The following DDR2 variants were observed in gnomAD, a reference collection of about 807,000 sequenced individuals.
DDR2 encodes discoidin domain receptor tyrosine kinase 2.
A neutral mutation model predicts 94.9 loss-of-function variants in DDR2; 27 were observed. The ratio of observed to expected loss-of-function variants is 0.28; its 90% CI spans 0.21 to 0.39. DDR2 has a LOEUF of 0.39. Ranked by LOEUF, DDR2 falls within the 10% of genes least tolerant of loss-of-function variation. DDR2 has a pLI of 1.00. For synonymous variants in DDR2, 382 were observed against 377.2 expected (o/e 1.01, Z -0.15); for missense variants, 783 against 1,076.0 (o/e 0.73, Z 3.81).
intron 1 of DDR2, among the ~76,000 whole-genome samples, chr1:162,635,734 C>G (rs530679349): frequency 1.2e-4 from 18 of 152,130 alleles, no homozygotes; most frequent in Non-Finnish European, 2.5e-4. Flanking sequence ...ATTAGAAACC[C>G]CAGGTAGACC....
At chr1:162,660,952 G>T (rs763867299) in intron 2 of DDR2, among the ~76,000 whole-genome samples, 1 of 152,186 alleles carries the variant, frequency 6.6e-6, no homozygotes, top group Non-Finnish European at 1.5e-5. Context: ...AAAACAGTTT[G>T]CTGACCCTGG....
At chr1:162,694,822 A>C (rs1660112640) in intron 2 of DDR2, among the ~76,000 whole-genome samples, 1 of 152,244 alleles carries the variant, frequency 6.6e-6, no homozygotes, top group Admixed American at 6.5e-5. Context: ...ACAAAAAAGC[A>C]GACTAGCTTT....
chr1:162,768,342 A>G (rs973395138), intron 11 of DDR2, among the ~76,000 whole-genome samples: 1 of 152,170 alleles, frequency 6.6e-6, no homozygotes, highest in Admixed American at 6.5e-5. Flanking sequence ...TTTGGCCATG[A>G]TCACCTCTCC....
intron 14 of DDR2, among the ~76,000 whole-genome samples, chr1:162,774,195 G>A (rs2102191528): frequency 6.6e-6 from 1 of 152,198 alleles, no homozygotes; most frequent in Non-Finnish European, 1.5e-5. Flanking sequence ...TACATAAATT[G>A]CAGTTTCCAG....
chr1:162,654,180 A>G (rs1571150212), intron 1 of DDR2, among the ~76,000 whole-genome samples: 1 of 152,144 alleles, frequency 6.6e-6, no homozygotes, highest in East Asian at 1.9e-4. Flanking sequence ...GCTCACATCT[A>G]TAATCCCAGC....
chr1:162,744,602 G>A (rs769695330), intron 3 of DDR2, among the ~76,000 whole-genome samples: 2 of 152,022 alleles, frequency 1.3e-5, no homozygotes, highest in Non-Finnish European at 2.9e-5. Flanking sequence ...GTGCCATGGT[G>A]GTTTGCTGCA....
chr1:162,648,682 A>G (rs765724348), intron 1 of DDR2, among the ~76,000 whole-genome samples: 12 of 152,196 alleles, frequency 7.9e-5, no homozygotes, highest in Non-Finnish European at 1.6e-4. Context: ...CCAGATGTGA[A>G]GGGACAGGGT....
rs1316458543 is a variant in DDR2, at chr1:162,787,180, A to G, written c.*6934A>G. On this transcript the variant is annotated 3_prime_UTR_variant, in exon 18 of 18. Transcript: ENST00000367921. ...GGTATGGTAGATAAATCACAGGGCC[A>G]AGGTTTGGCAGGGATAGATGGGATC... 2 of 152,134 alleles carry G rather than the reference A, an allele frequency of 1.3e-5. No individual in the cohort carries two copies. The highest frequency in any genetic ancestry group is 4.8e-5 in the African/African-American group (2 of 41,418). 9.4% of individuals were successfully genotyped at this position (152,134 alleles called of 1,614,324 possible). A position where few individuals can be genotyped will look rare whatever the true frequency, so the allele number is the denominator to read the frequency against.
intron 16 of DDR2, among the ~76,000 whole-genome samples, chr1:162,777,045 A>G (rs1647602736): frequency 6.6e-6 from 1 of 152,164 alleles, no homozygotes; most frequent in African/African-American, 2.4e-5. Flanking sequence ...TTGCAGAGAA[A>G]AGTCTGAGAC....
intron 3 of DDR2, among the ~76,000 whole-genome samples, chr1:162,729,296 ATATATTTTT>A (rs1170296110): frequency 1.1e-3 from 35 of 33,052 alleles, no homozygotes; most frequent in Non-Finnish European, 1.8e-3. Flanking sequence ...ATATATATAT[ATATATTTTT>A]TTTTTTTTTT....
Position 162,781,835 on chromosome 1 carries a change from T to C in DDR2, c.*1589T>C, listed in dbSNP as rs1647922075. On this transcript the variant is annotated 3_prime_UTR_variant, in exon 18 of 18. Transcript: ENST00000367921. The stretch of plus-strand genomic sequence containing the variant: ...CCAATTGAGGAGAAACAAGAAAACA[T>C]TACAAATCAGTTTCCCAAGCTGAGA... 1 of 152,266 alleles carries C rather than the reference T, an allele frequency of 6.6e-6. No homozygotes were observed. The highest frequency in any genetic ancestry group is 1.9e-4 in the East Asian group (1 of 5,182). The allele number at this position is 152,266 out of a possible 1,614,324, so 9.4% of individuals were successfully genotyped here. A position where few individuals can be genotyped will look rare whatever the true frequency, so the allele number is the denominator to read the frequency against.
chr1:162,701,928 G>T (rs1486111372), intron 2 of DDR2, among the ~76,000 whole-genome samples: 2 of 152,046 alleles, frequency 1.3e-5, no homozygotes, highest in Non-Finnish European at 2.9e-5. Context: ...TGAAACATTC[G>T]AAGGTCTTTC....
intron 12 of DDR2, 179 bp downstream of exon 12, chr1:162,770,691 C>T (rs1664226475): frequency 4.1e-6 from 3 of 736,604 alleles, no homozygotes; most frequent in African/African-American, 3.5e-5. Context: ...TTGAGCAACT[C>T]TCCTTTGCTA....
At chr1:162,729,300 A>ATT (rs869269032) in intron 3 of DDR2, among the ~76,000 whole-genome samples, 1 of 94,002 alleles carries the variant, frequency 1.1e-5, no homozygotes, top group African/African-American at 5.3e-5. Flanking sequence ...ATATATATAT[A>ATT]TTTTTTTTTT....
chr1:162,697,748 C>T (rs759512468), intron 2 of DDR2, among the ~76,000 whole-genome samples: 12 of 152,210 alleles, frequency 7.9e-5, no homozygotes, highest in Non-Finnish European at 1.3e-4. Context: ...CTCATGATTA[C>T]TCCTCACGAT....
chr1:162,780,001 AG>A, intron 17 of DDR2, 110 bp from the exon 18 acceptor site: 1 of 1,517,664 alleles, frequency 6.6e-7, no homozygotes, highest in Non-Finnish European at 9.1e-7. Flanking sequence ...AGTTCAAGAA[AG>A]TGGGCAGGGG....
chr1:162,758,717 C>T (rs946554840), intron 7 of DDR2, among the ~76,000 whole-genome samples: 2 of 152,148 alleles, frequency 1.3e-5, no homozygotes, highest in Non-Finnish European at 2.9e-5. Context: ...CTGGCATAAT[C>T]ACCCTTAGTA....
intron 1 of DDR2, among the ~76,000 whole-genome samples, chr1:162,650,956 T>C (rs1289385953): frequency 6.6e-6 from 1 of 152,196 alleles, no homozygotes; most frequent in African/African-American, 2.4e-5. Context: ...CTTGAACTCC[T>C]GGCCTCAAGT....
intron 2 of DDR2, among the ~76,000 whole-genome samples, chr1:162,658,097 T>A (rs1456019011): frequency 6.6e-6 from 1 of 152,198 alleles, no homozygotes; most frequent in Non-Finnish European, 1.5e-5. Context: ...AAAGCCTGCA[T>A]TTCCAATTAT....
Sources: gnomAD v4.1 joint callset for allele counts (sites outside exome capture counted in the v4.1 genomes callset) on GRCh38, gnomAD v4.1.1 for gene constraint, MANE v1.5 for transcripts, NCBI Gene and HGNC (gene_info 2026-07-23, HGNC 2026-07-21) for gene names.